Variants in TMTC2 observed in about 807,000 individuals in gnomAD.
TMTC2 encodes protein O-mannosyl-transferase TMTC2.
A neutral mutation model predicts 82.4 loss-of-function variants in TMTC2; 43 were observed. The observed-to-expected ratio is 0.52, with a 90% CI of 0.41 to 0.67. The LOEUF is 0.67. TMTC2 is among the 30% of genes least tolerant of loss of function. The pLI is 0.00. For synonymous variants in TMTC2, 408 were observed against 381.9 expected, an observed-to-expected ratio of 1.07 and a Z score of -0.80; for missense variants, 919 against 1,012.4, an observed-to-expected ratio of 0.91 and a Z score of 1.25.
chr12:83,102,941 G>A (rs1157247549), intron 11 of TMTC2, among the ~76,000 whole-genome samples: 3 of 152,022 alleles, frequency 2.0e-5, no homozygotes, highest in Non-Finnish European at 4.4e-5. Flanking sequence ...CTGTCAGTAC[G>A]GCAATACACA....
chr12:82,740,512 G>A (rs1875344572), intron 1 of TMTC2, among the ~76,000 whole-genome samples: 1 of 152,122 alleles, frequency 6.6e-6, no homozygotes, highest in African/African-American at 2.4e-5. Flanking sequence ...TGTGTGTTGT[G>A]GATTTAAACT....
At chr12:82,978,588 A>C (rs1426217485) in intron 7 of TMTC2, among the ~76,000 whole-genome samples, 8 of 151,736 alleles carry the variant, frequency 5.3e-5, no homozygotes, top group Non-Finnish European at 8.9e-5. Flanking sequence ...AGTTTTTCTA[A>C]GACTGCTTTG....
intron 1 of TMTC2, among the ~76,000 whole-genome samples, chr12:82,771,398 T>A (rs1266338940): frequency 6.6e-6 from 1 of 152,104 alleles, no homozygotes. Context: ...AATAATCACC[T>A]GAGATTCTGA....
Position 82,990,236 on chromosome 12 carries a change from A to G in TMTC2, c.2070+4190A>G, listed in dbSNP as rs533513012. On this transcript the variant is annotated intron_variant, in intron 8 of 11. Coordinates refer to ENST00000321196, the MANE Select transcript of TMTC2 (RefSeq NM_152588.3). ...TAAAAATGAAATGCAACTATATTAG[A>G]CTTAGACTGGAGAGTAGGATTTTAT... 2.0e-5 allele frequency among the ~76,000 whole-genome samples: 3 copies of G among 152,328 alleles called. No homozygotes were observed. In the South Asian group the frequency reaches 6.2e-4, roughly 32 times the overall value.
chr12:83,014,171 T>A (rs138013928), intron 8 of TMTC2, among the ~76,000 whole-genome samples: 30 of 152,278 alleles, frequency 2.0e-4, no homozygotes, highest in African/African-American at 7.2e-4. Context: ...TTTGTTTTAT[T>A]ATTATTTTTG....
chr12:83,116,427 A>G (rs1884764456), intron 11 of TMTC2, among the ~76,000 whole-genome samples: 1 of 152,148 alleles, frequency 6.6e-6, no homozygotes, highest in African/African-American at 2.4e-5. Context: ...CCATATAATG[A>G]TTTCTTTTCC....
chr12:83,077,400 C>T (rs537592719), intron 11 of TMTC2, among the ~76,000 whole-genome samples: 6 of 152,084 alleles, frequency 3.9e-5, no homozygotes, highest in African/African-American at 7.2e-5. Context: ...TTTGTCCTAT[C>T]GTATTTCTCT....
At chr12:82,823,396 A>G (rs1172674699) in intron 1 of TMTC2, among the ~76,000 whole-genome samples, 1 of 152,192 alleles carries the variant, frequency 6.6e-6, no homozygotes, top group Non-Finnish European at 1.5e-5. Flanking sequence ...CTGTATGTTT[A>G]AAAAATATAT....
At chr12:82,879,339 T>C (rs1872718614) in intron 2 of TMTC2, among the ~76,000 whole-genome samples, 1 of 152,214 alleles carries the variant, frequency 6.6e-6, no homozygotes, top group Admixed American at 6.5e-5. Context: ...TGGGTGGTGA[T>C]AGTTGCCAGA....
At chr12:82,887,850 C>T (rs150629984) in intron 2 of TMTC2, among the ~76,000 whole-genome samples, 84 of 152,098 alleles carry the variant, frequency 5.5e-4, no homozygotes, top group African/African-American at 1.9e-3. Flanking sequence ...GAGGCTGAGG[C>T]GGGCAGATCA....
rs796465756 is a variant in TMTC2 at position 83,108,574 on chromosome 12, A to G, written c.2332-23636A>G. ...GAACCCAGGAGGTGGAGGTTGCAGT[A>G]AGCCAAGATCGCGCGACTGCACTCC... On this transcript the variant is annotated intron_variant, in intron 11 of 11. Coordinates refer to ENST00000321196, the MANE Select transcript of TMTC2 (RefSeq NM_152588.3). Among the ~76,000 whole-genome samples the G allele has an allele frequency of 1.8e-4, 28 of 152,024 alleles. 1 individual carries two copies. The highest frequency in any genetic ancestry group is 6.7e-4 in the African/African-American group (28 of 41,484).
chr12:82,735,398 T>C (rs1488812533), intron 1 of TMTC2, among the ~76,000 whole-genome samples: 1 of 150,842 alleles, frequency 6.6e-6, no homozygotes, highest in Admixed American at 6.6e-5. Context: ...CAGGCTGGAG[T>C]GCAGTGGCGC....
chr12:82,996,848 A>G (rs1249011278), intron 8 of TMTC2, among the ~76,000 whole-genome samples: 3 of 152,190 alleles, frequency 2.0e-5, no homozygotes, highest in African/African-American at 7.2e-5. Context: ...AGCAATAGCT[A>G]AAAGAGAAAT....
intron 2 of TMTC2, among the ~76,000 whole-genome samples, chr12:82,873,434 G>T (rs1260863982): frequency 6.6e-6 from 1 of 151,982 alleles, no homozygotes; most frequent in Non-Finnish European, 1.5e-5. Flanking sequence ...TATCTTCTTT[G>T]GGGTTGTGTA....
intron 8 of TMTC2, among the ~76,000 whole-genome samples, chr12:83,029,771 C>T (rs1292166850): frequency 1.3e-5 from 2 of 152,178 alleles, no homozygotes; most frequent in African/African-American, 4.8e-5. Flanking sequence ...AACTGTGGTT[C>T]AGAGGCAATA....
intron 1 of TMTC2, among the ~76,000 whole-genome samples, chr12:82,721,661 A>C (rs888088431): frequency 1.3e-5 from 2 of 152,198 alleles, no homozygotes; most frequent in African/African-American, 4.8e-5. Flanking sequence ...CAAAAATTCC[A>C]AGTTCATTTT....
chr12:82,978,638 G>A (rs1443644467), intron 7 of TMTC2, among the ~76,000 whole-genome samples: 1 of 151,712 alleles, frequency 6.6e-6, no homozygotes, highest in South Asian at 2.1e-4. Context: ...TGATCCATGT[G>A]CTGCGGTGAA....
intron 1 of TMTC2, among the ~76,000 whole-genome samples, chr12:82,753,006 TTC>T (rs1334086371): frequency 6.6e-6 from 1 of 152,124 alleles, no homozygotes; most frequent in African/African-American, 2.4e-5. Context: ...CAGTGAGAAT[TTC>T]TCTCTCTTGG....
intron 4 of TMTC2, among the ~76,000 whole-genome samples, chr12:82,957,241 C>A (rs1252501645): frequency 6.6e-6 from 1 of 152,110 alleles, no homozygotes; most frequent in East Asian, 1.9e-4. Context: ...TCTCTCAAAA[C>A]CACAGTATTA....
Sources: gnomAD v4.1 joint callset for allele counts (sites outside exome capture counted in the v4.1 genomes callset) on GRCh38, gnomAD v4.1.1 for gene constraint, MANE v1.5 for transcripts, NCBI Gene and HGNC (gene_info 2026-07-23, HGNC 2026-07-21) for gene names.